The following PAQR5 variants were observed in gnomAD, a reference collection of about 807,000 sequenced individuals.
PAQR5 encodes membrane progestin receptor gamma.
PAQR5 carries 20 observed loss-of-function variants against 34.5 expected under a neutral mutation model. The ratio of observed to expected loss-of-function variants is 0.58; its 90% CI spans 0.41 to 0.84. The LOEUF (loss-of-function observed/expected upper bound fraction) is 0.84, where lower values mean the gene tolerates loss of function less well. Ranked by LOEUF, PAQR5 falls within the 40% of genes least tolerant of loss-of-function variation. The pLI, the probability that PAQR5 is intolerant of heterozygous loss-of-function variation, is 0.00. For missense variants in PAQR5, 378 were observed against 412.7 expected (o/e 0.92, Z 0.73); for synonymous variants, 131 against 155.6 (o/e 0.84, Z 1.18).
At chr15:69,348,505 C>A (rs1034865463) in intron 2 of PAQR5, among the ~76,000 whole-genome samples, 1 of 152,122 alleles carries the variant, frequency 6.6e-6, no homozygotes, top group African/African-American at 2.4e-5. Flanking sequence ...GACAGGCAGG[C>A]GAGGTGACCA....
intron 1 of PAQR5, among the ~76,000 whole-genome samples, chr15:69,303,692 A>G (rs2053653970): frequency 6.6e-6 from 1 of 152,100 alleles, no homozygotes. Flanking sequence ...TGGCATTCCC[A>G]TGGACTTGGG....
chr15:69,300,618 T>C (rs1353478251), intron 1 of PAQR5, among the ~76,000 whole-genome samples: 3 of 53,556 alleles, frequency 5.6e-5, no homozygotes, highest in Non-Finnish European at 1.3e-4. Context: ...TCTTTCTTTC[T>C]TTCTTTCTTT....
At position 69,389,805 on chromosome 15, in the gene PAQR5, G is replaced by A. The variant is rs916812502; in HGVS notation, c.512+25G>A. On this transcript the variant is annotated intron_variant, in intron 6 of 8. Transcript: ENST00000395407. ...GGTACTGGTCGCTCTGACCTCAGAT[G>A]GGAGGGGAGGGAGGGTCTTGCATGC... 1.2e-5 allele frequency: 19 copies of A among 1,612,088 alleles called. No homozygotes were observed. In the African/African-American group the frequency reaches 2.1e-4, roughly 18 times the overall value.
Position 69,397,530 on chromosome 15 carries a change from C to T in PAQR5, c.575C>T (p.Pro192Leu), listed in dbSNP as rs759808670. 24 of 1,613,132 alleles carry T rather than the reference C, an allele frequency of 1.5e-5. No homozygotes were observed. The highest frequency in any genetic ancestry group is 1.0e-4 in the Admixed American group (6 of 60,002). Reference protein sequence around the residue: ...KVIRVLAFAYPYTWDSLPIFY... With the variant: ...KVIRVLAFAYLYTWDSLPIFY... ...ATTCGTGTCCTCGCCTTTGCTTATC[C>T]GTACACCTGGGACTCCCTCCCCATC... The change falls in exon 7 of 9, where the codon CCG (proline) becomes CTG (leucine). Residue 192 changes from proline (P) to leucine (L), a missense_variant. By Grantham distance (98) the Pro-to-Leu change is moderately conservative (BLOSUM62 -3). Transcript: ENST00000395407.
chr15:69,331,146 GC>G (rs1280253131), intron 1 of PAQR5, among the ~76,000 whole-genome samples: 2 of 152,138 alleles, frequency 1.3e-5, no homozygotes, highest in African/African-American at 4.8e-5. Flanking sequence ...TCTGTCTGTA[GC>G]CCCATTGTGG....
intron 2 of PAQR5, 105 bp from the exon 3 acceptor site, chr15:69,359,861 T>C (rs1389392538): frequency 1.9e-6 from 1 of 517,354 alleles, no homozygotes; most frequent in African/African-American, 1.9e-5. Context: ...TCTTGTGCCA[T>C]CATGTGTAGC....
intron 1 of PAQR5, among the ~76,000 whole-genome samples, chr15:69,305,118 C>T (rs748446123): frequency 4.6e-5 from 7 of 152,032 alleles, no homozygotes; most frequent in African/African-American, 7.2e-5. Flanking sequence ...TTGTGGTGGG[C>T]GGTGGAGAGG....
At chr15:69,316,118 G>A (rs1198015357) in intron 1 of PAQR5, among the ~76,000 whole-genome samples, 1 of 152,100 alleles carries the variant, frequency 6.6e-6, no homozygotes, top group East Asian at 1.9e-4. Context: ...GTCTCCCTCT[G>A]TTGCCAGGTT....
At chr15:69,381,579 G>A (rs80255061) in intron 4 of PAQR5, among the ~76,000 whole-genome samples, 5,086 of 152,208 alleles carry the variant, frequency 0.033, 167 homozygotes, top group East Asian at 0.11. Flanking sequence ...TTACAGCTGA[G>A]CCAAGCTGGG....
Position 69,397,666 on chromosome 15 carries a change from G to A in PAQR5, c.609+102G>A. ...TCACAGCACTGCAATGGGAACCGCA[G>A]AACAAAACAGGAGTCGAGACCCAGG... is the stretch of plus-strand genomic sequence containing the variant. On this transcript the variant is annotated intron_variant, in intron 7 of 8. Transcript: ENST00000395407. 2.5e-6 allele frequency: 2 copies of A among 816,006 alleles called. 1 individual carries two copies. The highest frequency in any genetic ancestry group is 2.8e-5 in the South Asian group (2 of 72,400). 50.5% of individuals were successfully genotyped at this position (816,006 alleles called of 1,614,324 possible).
intron 6 of PAQR5, chr15:69,391,643 C>T (rs1474175647): frequency 2.2e-6 from 1 of 456,058 alleles, no homozygotes; most frequent in East Asian, 7.0e-5. Context: ...ACTGCCCCAT[C>T]TGGTTCGCTC....
intron 1 of PAQR5, among the ~76,000 whole-genome samples, chr15:69,329,463 CT>C (rs1038357937): frequency 2.7e-3 from 202 of 73,770 alleles, no homozygotes; most frequent in African/African-American, 4.3e-3. Context: ...TTTTTTCTTT[CT>C]TTTTTTTTTT....
At chr15:69,341,468 C>T (rs947958520) in intron 2 of PAQR5, among the ~76,000 whole-genome samples, 4 of 151,484 alleles carry the variant, frequency 2.6e-5, no homozygotes, top group African/African-American at 7.3e-5. Flanking sequence ...GTAGTCCCCC[C>T]ACCTCAGCCT....
At chr15:69,349,100 G>A (rs556244884) in intron 2 of PAQR5, among the ~76,000 whole-genome samples, 5 of 152,016 alleles carry the variant, frequency 3.3e-5, no homozygotes, top group South Asian at 4.2e-4. Flanking sequence ...CTTGTGAGTC[G>A]GTGGACTGCG....
In PAQR5 at chr15:69,370,479, A is replaced by G. The variant is rs575045511; in HGVS notation, c.52-9404A>G. The stretch of plus-strand genomic sequence containing the variant: ...ACAAACAGTTATGTAAAGTGGTTCT[A>G]TTCTACCTTAACAAATCCCCCTTTA... On this transcript the variant is annotated intron_variant, in intron 3 of 8. Transcript: ENST00000395407. 1.2e-4 allele frequency among the ~76,000 whole-genome samples: 19 copies of G among 152,326 alleles called. No individual in the cohort carries two copies. The South Asian group carries it at 3.9e-3, about 32-fold the overall frequency.
intron 3 of PAQR5, among the ~76,000 whole-genome samples, chr15:69,376,737 T>C (rs919424450): frequency 2.6e-5 from 4 of 152,220 alleles, no homozygotes; most frequent in Admixed American, 6.5e-5. Context: ...GGCTCAGCCC[T>C]GGCTTTGGTG....
intron 3 of PAQR5, among the ~76,000 whole-genome samples, chr15:69,362,212 G>GTCA (rs2055253350): frequency 6.6e-6 from 1 of 152,092 alleles, no homozygotes; most frequent in South Asian, 2.1e-4. Context: ...CCAGTTTTTC[G>GTCA]TAAGTTAGAG....
rs377446823 is a variant in PAQR5 at position 69,389,693 on chromosome 15, C to T, written c.425C>T (p.Ala142Val). The T allele has an allele frequency of 2.2e-5, 35 of 1,614,050 alleles. No individual in the cohort carries two copies. Among genetic ancestry groups the T allele is most frequent in the South Asian group, 3.3e-5 (3 of 91,090 alleles). The change falls in exon 6 of 9, where the codon GCG (alanine) becomes GTG (valine). Residue 142 changes from alanine to valine, a missense_variant. Coordinates refer to ENST00000395407, the MANE Select transcript of PAQR5 (RefSeq NM_017705.4). Reference protein sequence around the residue: ...IAYSAYTFPDALMCTTFHDYY... With the variant: ...IAYSAYTFPDVLMCTTFHDYY... ...TACTCTGCATACACGTTCCCGGATG[C>T]GCTCATGTGCACCACTTTCCATGAC... is the stretch of plus-strand genomic sequence containing the variant.
rs1567048218 is a variant in PAQR5 at position 69,404,919 on chromosome 15, G to A, written c.*1097G>A. The A allele has an allele frequency of 2.5e-6, 1 of 398,562 alleles. No homozygotes were observed. The highest frequency in any genetic ancestry group is 4.4e-6 in the Non-Finnish European group (1 of 226,038). 24.7% of individuals were successfully genotyped at this position (398,562 alleles called of 1,614,324 possible). On this transcript the variant is annotated 3_prime_UTR_variant, in exon 9 of 9. Coordinates refer to ENST00000395407, the MANE Select transcript of PAQR5 (RefSeq NM_017705.4). ...CTGCACTGGAGCAAGTCTCCCAGAT[G>A]ATTCTAATACAGGAGGGCCAGAGGC... is the stretch of plus-strand genomic sequence containing the variant.
Sources: gnomAD v4.1 joint callset for allele counts (sites outside exome capture counted in the v4.1 genomes callset) on GRCh38, gnomAD v4.1.1 for gene constraint, MANE v1.5 for transcripts, NCBI Gene and HGNC (gene_info 2026-07-23, HGNC 2026-07-21) for gene names.